Variants in CLSTN2 observed in about 807,000 individuals in gnomAD.
The protein encoded by CLSTN2 is calsyntenin 2.
A neutral mutation model predicts 101.2 loss-of-function variants in CLSTN2; 48 were observed. That is an observed-to-expected ratio of 0.47 (90% CI 0.38 to 0.60). The LOEUF (loss-of-function observed/expected upper bound fraction) is 0.60, where lower values mean the gene tolerates loss of function less well. CLSTN2 is among the 20% of genes least tolerant of loss of function. The pLI is 0.00. For missense variants in CLSTN2, 1,160 were observed against 1,238.2 expected, an observed-to-expected ratio of 0.94 and a Z score of 0.95; for synonymous variants, 481 against 463.6, an observed-to-expected ratio of 1.04 and a Z score of -0.48.
At chr3:140,509,244 T>C (rs1934748108) in intron 8 of CLSTN2, among the ~76,000 whole-genome samples, 1 of 152,136 alleles carries the variant, frequency 6.6e-6, no homozygotes, top group South Asian at 2.1e-4. Flanking sequence ...AAAAATTTGG[T>C]AAACGGTCTA....
intron 10 of CLSTN2, among the ~76,000 whole-genome samples, chr3:140,548,115 C>A (rs1266196393): frequency 6.6e-6 from 1 of 152,206 alleles, no homozygotes; most frequent in African/African-American, 2.4e-5. Context: ...GTGCTAGGTG[C>A]CCTTGGAAAA....
intron 2 of CLSTN2, among the ~76,000 whole-genome samples, chr3:140,343,964 C>T (rs987311101): frequency 6.6e-6 from 1 of 152,102 alleles, no homozygotes; most frequent in Non-Finnish European, 1.5e-5. Context: ...GGATGACTAC[C>T]CAAAAGAAGG....
chr3:140,395,624 C>A lies in CLSTN2; in HGVS notation c.233-8005C>A, dbSNP rs147339950. On this transcript the variant is annotated intron_variant, in intron 2 of 16. Transcript: ENST00000458420. ...CTACTTTTGAAGATTTTAAGTGTTTCATCTGAAGTGGGAGGGTTTAAACTC... is the reference window on the plus strand; with the variant it reads ...CTACTTTTGAAGATTTTAAGTGTTTAATCTGAAGTGGGAGGGTTTAAACTC... Among the ~76,000 whole-genome samples, 779 of 152,294 alleles carry A rather than the reference C, an allele frequency of 5.1e-3. 8 individuals carry two copies. The highest frequency in any genetic ancestry group is 0.018 in the African/African-American group (755 of 41,564).
At chr3:140,283,990 C>T (rs2086872118) in intron 2 of CLSTN2, among the ~76,000 whole-genome samples, 1 of 152,140 alleles carries the variant, frequency 6.6e-6, no homozygotes, top group Non-Finnish European at 1.5e-5. Context: ...AAAGGAGGAA[C>T]AGGCTAATTA....
chr3:140,119,797 G>T (rs2009308769), intron 1 of CLSTN2, among the ~76,000 whole-genome samples: 1 of 152,120 alleles, frequency 6.6e-6, no homozygotes, highest in Non-Finnish European at 1.5e-5. Flanking sequence ...CACTGTGCCT[G>T]GTCAGCAGTA....
intron 2 of CLSTN2, among the ~76,000 whole-genome samples, chr3:140,254,242 GA>G (rs1195115979): frequency 6.6e-6 from 1 of 152,054 alleles, no homozygotes; most frequent in African/African-American, 2.4e-5. Flanking sequence ...CCTGCAAGAA[GA>G]AAAAATCATT....
chr3:140,188,059 A>T (rs13058927), intron 2 of CLSTN2, among the ~76,000 whole-genome samples: 1 of 152,076 alleles, frequency 6.6e-6, no homozygotes, highest in African/African-American at 2.4e-5. Context: ...GTACTTGTCT[A>T]TTTGTGAGCC....
intron 2 of CLSTN2, among the ~76,000 whole-genome samples, chr3:140,328,731 A>G (rs1218179179): frequency 1.3e-5 from 2 of 152,208 alleles, no homozygotes; most frequent in African/African-American, 4.8e-5. Flanking sequence ...ACTCTGGTCC[A>G]GTTACTTAAC....
chr3:140,293,254 T>G (rs1032081261), intron 2 of CLSTN2, among the ~76,000 whole-genome samples: 2 of 151,942 alleles, frequency 1.3e-5, no homozygotes, highest in Non-Finnish European at 2.9e-5. Context: ...GGATGTAGAG[T>G]GACAGAGGAG....
chr3:140,103,026 A>G (rs1055476295), intron 1 of CLSTN2, among the ~76,000 whole-genome samples: 5 of 152,254 alleles, frequency 3.3e-5, no homozygotes, highest in Admixed American at 3.3e-4. Flanking sequence ...CACATAACTT[A>G]CTGCCTAGAA....
intron 1 of CLSTN2, among the ~76,000 whole-genome samples, chr3:140,031,275 G>T (rs2007542004): frequency 1.3e-5 from 2 of 152,104 alleles, no homozygotes; most frequent in Non-Finnish European, 2.9e-5. Context: ...AGCATTGTTT[G>T]GTCATTTTTG....
intron 10 of CLSTN2, among the ~76,000 whole-genome samples, chr3:140,547,098 GA>G (rs1280651735): frequency 3.9e-5 from 6 of 152,342 alleles, no homozygotes; most frequent in African/African-American, 1.4e-4. Flanking sequence ...AATTAAAAAG[GA>G]AAGCGAAAAC....
At chr3:140,481,200 G>A (rs1179365575) in intron 8 of CLSTN2, among the ~76,000 whole-genome samples, 1 of 152,234 alleles carries the variant, frequency 6.6e-6, no homozygotes, top group South Asian at 2.1e-4. Flanking sequence ...TTATTAAATA[G>A]GGAATCCTTT....
chr3:140,322,748 G>A (rs2087295988), intron 2 of CLSTN2, among the ~76,000 whole-genome samples: 2 of 152,322 alleles, frequency 1.3e-5, no homozygotes, highest in Middle Eastern at 3.4e-3. Flanking sequence ...AGTCCTGGTT[G>A]TAAAGCCTCT....
chr3:140,288,474 TAGAA>T (rs566738722), intron 2 of CLSTN2, among the ~76,000 whole-genome samples: 274 of 152,274 alleles, frequency 1.8e-3, no homozygotes, highest in Non-Finnish European at 3.3e-3. Context: ...CCAGGTGTTT[TAGAA>T]AGAGTCTTCA....
chr3:140,304,076 G>A lies in CLSTN2; in HGVS notation c.233-99553G>A, dbSNP rs2087087779. On this transcript the variant is annotated intron_variant, in intron 2 of 16. Transcript: ENST00000458420. Reference sequence around the variant, plus strand: ...ACAATATATGTAATACTCAGAAAAAGCTATGTGTGAGCTATGTGGTTATCT... The same window carrying A: ...ACAATATATGTAATACTCAGAAAAAACTATGTGTGAGCTATGTGGTTATCT... Among the ~76,000 whole-genome samples, 7 of 152,148 alleles carry A rather than the reference G, an allele frequency of 4.6e-5. No individual in the cohort carries two copies. In the South Asian group the frequency reaches 1.5e-3, roughly 32 times the overall value.
At chr3:140,031,303 C>T (rs552100510) in intron 1 of CLSTN2, among the ~76,000 whole-genome samples, 56 of 152,128 alleles carry the variant, frequency 3.7e-4, no homozygotes, top group Non-Finnish European at 5.7e-4. Context: ...GTTAGTGACG[C>T]GCAGCATGAA....
At chr3:140,187,690 T>C (rs16850025) in intron 2 of CLSTN2, among the ~76,000 whole-genome samples, 1,973 of 152,312 alleles carry the variant, frequency 0.013, 115 homozygotes, top group Admixed American at 0.1. Context: ...AGTGCTTTTC[T>C]TTTCTCTCAA....
At chr3:140,182,294 A>G (rs2010420051) in intron 2 of CLSTN2, among the ~76,000 whole-genome samples, 1 of 152,138 alleles carries the variant, frequency 6.6e-6, no homozygotes. Context: ...GTTTTTAAAA[A>G]CACCAAATTA....
Sources: allele counts gnomAD v4.1 joint callset (sites outside exome capture counted in the v4.1 genomes callset), GRCh38; gene constraint gnomAD v4.1.1; transcripts MANE v1.5; gene names NCBI Gene and HGNC (gene_info 2026-07-23, HGNC 2026-07-21).